Variants in ACOT9 observed in about 807,000 individuals in gnomAD.
ACOT9 encodes acyl-CoA thioesterase 9, also known as acyl-coenzyme A thioesterase 9, mitochondrial.
ACOT9 carries 34 observed loss-of-function variants against 39.7 expected under a neutral mutation model. The ratio of observed to expected loss-of-function variants is 0.86; its 90% CI spans 0.65 to 1.14. ACOT9 has a LOEUF of 1.14. Among genes scored for constraint, ACOT9 ranks in the 50% most tolerant of loss-of-function variants. The probability of loss-of-function intolerance (pLI) is 0.00; values close to 1 mark genes in which losing one functional copy is unlikely to be tolerated. For missense variants in ACOT9, 313 were observed against 344.1 expected (o/e 0.91, Z 0.71); for synonymous variants, 110 against 120.5 (o/e 0.91, Z 0.57).
intron 8 of ACOT9, among the ~76,000 whole-genome samples, chrX:23,716,796 C>G (rs1183802395): frequency 9.0e-6 from 1 of 110,769 alleles, no homozygotes; most frequent in Admixed American, 9.7e-5. Context: ...AAGCGATCCT[C>G]CCACCTCAGC....
intron 9 of ACOT9, among the ~76,000 whole-genome samples, chrX:23,709,923 T>G (rs191039149): frequency 8.9e-6 from 1 of 112,478 alleles, no homozygotes; most frequent in Non-Finnish European, 1.9e-5. Context: ...GGTCTTGCCC[T>G]GTCGCCCAGG....
rs1198267920 is a variant in ACOT9 at position 23,736,027 on chromosome X, A to C, written c.21-11T>G. The C allele has an allele frequency of 8.4e-7, 1 of 1,193,088 alleles. No homozygotes were observed. Among genetic ancestry groups the C allele is most frequent in the Non-Finnish European group, 1.1e-6 (1 of 883,284 alleles). ...CCCAAGGCACAAAGCCTATAAAACAAGATAAAACACAGAGCAGATCCCACA... is the reference window on the plus strand; with the variant it reads ...CCCAAGGCACAAAGCCTATAAAACACGATAAAACACAGAGCAGATCCCACA... On this transcript the variant is annotated splice_polypyrimidine_tract_variant and intron_variant, in intron 1 of 15. Coordinates refer to ENST00000379303, the MANE Select transcript of ACOT9 (RefSeq NM_001037171.2).
At chrX:23,729,077 C>G (rs1001296283) in intron 6 of ACOT9, among the ~76,000 whole-genome samples, 5 of 111,254 alleles carry the variant, frequency 4.5e-5, no homozygotes, top group South Asian at 3.8e-4. Context: ...GCCACCCCCC[C>G]CCACATAAGG....
intron 6 of ACOT9, among the ~76,000 whole-genome samples, chrX:23,724,912 G>C (rs982885068): frequency 2.7e-5 from 3 of 111,266 alleles, no homozygotes; most frequent in Middle Eastern, 4.3e-3. Flanking sequence ...ACTACAGCCC[G>C]GGCAACAGAG....
At chrX:23,728,810 G>C (rs1929624409) in intron 6 of ACOT9, among the ~76,000 whole-genome samples, 1 of 111,217 alleles carries the variant, frequency 9.0e-6, no homozygotes, top group Admixed American at 9.7e-5. Flanking sequence ...TAGGACTGGG[G>C]CAGGGAAAAG....
intron 6 of ACOT9, among the ~76,000 whole-genome samples, chrX:23,725,257 A>C (rs1177601326): frequency 1.0e-5 from 1 of 98,149 alleles, no homozygotes; most frequent in African/African-American, 3.7e-5. Flanking sequence ...GATCACCTGA[A>C]GTCACGAGTT....
intron 8 of ACOT9, among the ~76,000 whole-genome samples, chrX:23,720,055 G>T (rs112302225): frequency 8.9e-6 from 1 of 112,054 alleles, no homozygotes; most frequent in Non-Finnish European, 1.9e-5. Flanking sequence ...GGATGGTCTC[G>T]ATCTCCTGAC....
chrX:23,719,876 G>A (rs971532620), intron 8 of ACOT9, among the ~76,000 whole-genome samples: 2 of 107,727 alleles, frequency 1.9e-5, no homozygotes, highest in Non-Finnish European at 3.8e-5. Flanking sequence ...TCGCTCTGTC[G>A]CCCAGGCTGG....
chrX:23,731,526 G>A (rs1283557198), intron 4 of ACOT9, among the ~76,000 whole-genome samples: 1 of 107,433 alleles, frequency 9.3e-6, no homozygotes, highest in Non-Finnish European at 1.9e-5. Flanking sequence ...ATACCCAAAT[G>A]AGCCATATAT....
At chrX:23,737,168 C>T (rs766830498) in intron 1 of ACOT9, among the ~76,000 whole-genome samples, 96 of 110,722 alleles carry the variant, frequency 8.7e-4, no homozygotes, top group African/African-American at 2.8e-3. Context: ...CAAAAATTAG[C>T]CGGGTGTGGT....
At chrX:23,724,463 T>C (rs753519482) in intron 6 of ACOT9, among the ~76,000 whole-genome samples, 3 of 109,094 alleles carry the variant, frequency 2.7e-5, no homozygotes, top group Non-Finnish European at 3.8e-5. Context: ...GTGAGACCCC[T>C]GTCTCTACAA....
intron 11 of ACOT9, 40 bp from the exon 12 acceptor site, chrX:23,705,898 G>A: frequency 9.5e-7 from 1 of 1,050,385 alleles, no homozygotes. Context: ...TTAATGCCAT[G>A]GTTCTCTTGT....
At chrX:23,712,506 G>A (rs1195615545) in intron 9 of ACOT9, among the ~76,000 whole-genome samples, 3 of 107,319 alleles carry the variant, frequency 2.8e-5, no homozygotes, top group African/African-American at 1.0e-4. Context: ...CTGTAAGTCT[G>A]TTTTTTTTTG....
intron 4 of ACOT9, among the ~76,000 whole-genome samples, chrX:23,731,233 T>G (rs1157461438): frequency 8.9e-6 from 1 of 112,158 alleles, no homozygotes; most frequent in African/African-American, 3.2e-5. Flanking sequence ...CCCAGCATTT[T>G]GGGAGGCCAA....
In ACOT9 at chrX:23,705,826, G is replaced by C; in HGVS notation, c.875C>G (p.Ser292Cys). The change falls in exon 12 of 16, where the codon TCT becomes TGT. Residue 292 changes from serine (S) to cysteine (C), a missense_variant. Transcript: ENST00000379303. ...TGAATTCTCCATCCACACTGCATTA[G>C]AGGGTAAAACTCGACTCCGAAAACT... ...TISFRSRVLPSNAVWMENSKL... is the reference protein window; with the variant it reads ...TISFRSRVLPCNAVWMENSKL... 8.3e-7 allele frequency: 1 copy of C among 1,210,558 alleles called. No homozygotes were observed. The highest frequency in any genetic ancestry group is 1.1e-6 in the Non-Finnish European group (1 of 894,237).
In ACOT9 at chrX:23,705,085, T is replaced by TGGGGGAAAGGACAG; in HGVS notation, c.1020-19_1020-6dup. 1 of 1,206,636 alleles carries TGGGGGAAAGGACAG rather than the reference T, an allele frequency of 8.3e-7. No homozygotes were observed. The highest frequency in any genetic ancestry group is 2.2e-5 in the Admixed American group (1 of 45,520). On this transcript the variant is annotated splice_region_variant and splice_polypyrimidine_tract_variant and intron_variant, in intron 13 of 15. Transcript: ENST00000379303. ...ACCACAAACGGTCGAGAACCACTGT[T>TGGGGGAAAGGACAG]GGGGGAAAGGACAGAATTTGGGGTA...
At chrX:23,726,981 G>A (rs918422442) in intron 6 of ACOT9, among the ~76,000 whole-genome samples, 90 of 48,652 alleles carry the variant, frequency 1.8e-3, no homozygotes, top group South Asian at 3.9e-3. Flanking sequence ...CACCACGCCC[G>A]GCTACTTTTT....
At chrX:23,716,534 G>T (rs907808046) in intron 8 of ACOT9, among the ~76,000 whole-genome samples, 2 of 111,907 alleles carry the variant, frequency 1.8e-5, no homozygotes, top group African/African-American at 6.5e-5. Context: ...CCAAGCACTA[G>T]AACGCAAACA....
At chrX:23,729,833 A>G (rs1351583170) in intron 6 of ACOT9, among the ~76,000 whole-genome samples, 2 of 110,278 alleles carry the variant, frequency 1.8e-5, no homozygotes, top group Non-Finnish European at 3.8e-5. Flanking sequence ...GGGTTTCACC[A>G]TGTTAGCCAG....
Sources: gnomAD v4.1 joint callset for allele counts (sites outside exome capture counted in the v4.1 genomes callset) on GRCh38, gnomAD v4.1.1 for gene constraint, MANE v1.5 for transcripts, NCBI Gene and HGNC (gene_info 2026-07-23, HGNC 2026-07-21) for gene names.